The following SAMD5 variants were observed in gnomAD, a reference collection of about 807,000 sequenced individuals.
SAMD5 encodes the protein sterile alpha motif domain containing 5, also known as sterile alpha motif domain-containing protein 5.
A neutral mutation model predicts 11.3 loss-of-function variants in SAMD5; 13 were observed. That is an observed-to-expected ratio of 1.15 (90% confidence interval 0.75 to 1.83). The LOEUF is 1.83. SAMD5 is among the 40% of genes most tolerant of loss of function. The probability of loss-of-function intolerance (pLI) is 0.00; values close to 1 mark genes in which losing one functional copy is unlikely to be tolerated. For synonymous variants in SAMD5, 129 were observed against 111.3 expected (o/e 1.16, Z -1.00); for missense variants, 255 against 239.1 (o/e 1.07, Z -0.44).
the SAMD5 span, among the ~76,000 whole-genome samples, chr6:147,820,109 A>T: frequency 2.6e-5 from 4 of 152,104 alleles, no homozygotes; most frequent in Non-Finnish European, 2.9e-5. Flanking sequence ...AATTTCTTTG[A>T]TTTTATACTT....
the SAMD5 span, among the ~76,000 whole-genome samples, chr6:147,776,843 C>T: frequency 1.1e-4 from 16 of 152,276 alleles, no homozygotes; most frequent in East Asian, 2.1e-3. Context: ...TCTCTCCCAG[C>T]GGGTCATTAA....
intron 1 of SAMD5, among the ~76,000 whole-genome samples, chr6:147,542,912 T>C (rs943603653): frequency 2.6e-5 from 4 of 152,286 alleles, no homozygotes; most frequent in Middle Eastern, 3.4e-3. Flanking sequence ...AAAAGTTAGT[T>C]CAGCCCACAC....
At chr6:147,656,193 C>T (rs1033848803) in intron 1 of SAMD5, among the ~76,000 whole-genome samples, 1 of 152,116 alleles carries the variant, frequency 6.6e-6, no homozygotes, top group Non-Finnish European at 1.5e-5. Context: ...ACTCCAAGTG[C>T]ATCAGAGATC....
chr6:147,614,996 T>C (rs546740477), intron 1 of SAMD5, among the ~76,000 whole-genome samples: 1 of 152,092 alleles, frequency 6.6e-6, no homozygotes, highest in East Asian at 1.9e-4. Flanking sequence ...ATTAAAAAAA[T>C]CCAAACAATA....
the SAMD5 span, among the ~76,000 whole-genome samples, chr6:147,870,449 A>AGTGTGTGTGTGT: frequency 7.3e-6 from 1 of 137,710 alleles, no homozygotes; most frequent in East Asian, 2.1e-4. Context: ...TGTGTGTGTG[A>AGTGTGTGTGTGT]GTGTGTGTGT....
chr6:147,926,790 G>A, the SAMD5 span, among the ~76,000 whole-genome samples: 1 of 152,054 alleles, frequency 6.6e-6, no homozygotes, highest in Non-Finnish European at 1.5e-5. Context: ...TTGTCTTCCA[G>A]GTTTTTATAG....
the SAMD5 span, among the ~76,000 whole-genome samples, chr6:147,793,242 C>T: frequency 6.6e-6 from 1 of 152,134 alleles, no homozygotes; most frequent in Admixed American, 6.6e-5. Context: ...CCCCCCAAAT[C>T]CATAATCTCA....
intron 1 of SAMD5, among the ~76,000 whole-genome samples, chr6:147,704,468 T>C (rs1454125759): frequency 6.6e-6 from 1 of 152,158 alleles, no homozygotes; most frequent in Non-Finnish European, 1.5e-5. Context: ...GCAAAATAGA[T>C]TGAACTACTC....
chr6:147,867,279 GTTTT>G, the SAMD5 span, among the ~76,000 whole-genome samples: 39 of 115,368 alleles, frequency 3.4e-4, no homozygotes, highest in Non-Finnish European at 4.7e-4. Context: ...GGTCAAAAAG[GTTTT>G]TTTTTTTTTT....
chr6:147,791,699 T>A, the SAMD5 span, among the ~76,000 whole-genome samples: 506 of 152,328 alleles, frequency 3.3e-3, 3 homozygotes, highest in African/African-American at 0.011. Flanking sequence ...CCTTAATTTT[T>A]AAAAAAATTT....
intron 1 of SAMD5, among the ~76,000 whole-genome samples, chr6:147,731,268 C>T (rs1340715323): frequency 6.6e-6 from 1 of 152,114 alleles, no homozygotes; most frequent in Non-Finnish European, 1.5e-5. Context: ...TTTATGATGA[C>T]AGTGTCACAG....
At chr6:147,858,862 C>T in the SAMD5 span, among the ~76,000 whole-genome samples, 1 of 152,154 alleles carries the variant, frequency 6.6e-6, no homozygotes, top group African/African-American at 2.4e-5. Flanking sequence ...ATGTGCCACG[C>T]ACTATTCTTT....
the SAMD5 span, among the ~76,000 whole-genome samples, chr6:147,761,814 G>A: frequency 6.6e-6 from 1 of 152,150 alleles, no homozygotes; most frequent in African/African-American, 2.4e-5. Flanking sequence ...CCAGGTTCAA[G>A]TGATTCTCCT....
rs553375834 is a variant in SAMD5 at position 147,727,769 on chromosome 6, A to G, written c.163-9548A>G. ...GTTACTTCAGCTAATGGCGGGAGTC[A>G]TGTATGTTGGGTGCCTAAAAGCATC... On this transcript the variant is annotated intron_variant, in intron 1 of 1. Transcript: ENST00000566741. Among the ~76,000 whole-genome samples, 6 of 152,202 alleles carry G rather than the reference A, an allele frequency of 3.9e-5. No homozygotes were observed. In the South Asian group the frequency reaches 1.2e-3, roughly 32 times the overall value.
the SAMD5 span, among the ~76,000 whole-genome samples, chr6:147,935,979 C>T: frequency 6.6e-6 from 1 of 152,170 alleles, no homozygotes; most frequent in African/African-American, 2.4e-5. Flanking sequence ...CCTTAGCCAG[C>T]TTTCTTTCCT....
At chr6:147,559,689 T>C (rs1449936472) in intron 1 of SAMD5, among the ~76,000 whole-genome samples, 1 of 152,140 alleles carries the variant, frequency 6.6e-6, no homozygotes, top group Non-Finnish European at 1.5e-5. Flanking sequence ...GGTAGTTGCC[T>C]CTAAAGTAAA....
At chr6:147,517,702 A>G (rs1356364668) in intron 1 of SAMD5, among the ~76,000 whole-genome samples, 1 of 152,216 alleles carries the variant, frequency 6.6e-6, no homozygotes, top group African/African-American at 2.4e-5. Context: ...CTGATGTCAC[A>G]AAACATTCTT....
At chr6:147,553,597 T>C (rs1002109629) in intron 1 of SAMD5, among the ~76,000 whole-genome samples, 27 of 152,212 alleles carry the variant, frequency 1.8e-4, no homozygotes, top group African/African-American at 5.5e-4. Flanking sequence ...GCTTTGTTCC[T>C]AAACCTTCCC....
the SAMD5 span, among the ~76,000 whole-genome samples, chr6:147,826,106 G>A: frequency 1.3e-5 from 2 of 152,182 alleles, no homozygotes; most frequent in Admixed American, 6.5e-5. Flanking sequence ...TTTGTTCAAG[G>A]AACATAGAAC....
Sources: gnomAD v4.1 joint callset for allele counts (sites outside exome capture counted in the v4.1 genomes callset) on GRCh38, gnomAD v4.1.1 for gene constraint, MANE v1.5 for transcripts, NCBI Gene and HGNC (gene_info 2026-07-23, HGNC 2026-07-21) for gene names.